EVI5: variants seen among roughly 807,000 people sequenced by gnomAD.
The protein encoded by EVI5 is ecotropic viral integration site 5 protein homolog.
Under a neutral mutation model 112.0 loss-of-function variants are expected in EVI5, and 73 were observed. The observed-to-expected ratio is 0.65, with a 90% CI of 0.54 to 0.79. The LOEUF (loss-of-function observed/expected upper bound fraction) is 0.79, where lower values mean the gene tolerates loss of function less well. Ranked by LOEUF, EVI5 falls within the 30% of genes least tolerant of loss-of-function variation. The pLI, the probability that EVI5 is intolerant of heterozygous loss-of-function variation, is 0.00. For synonymous variants in EVI5, 305 were observed against 319.9 expected (o/e 0.95, Z 0.50); for missense variants, 900 against 968.8 (o/e 0.93, Z 0.94).
chr1:92,679,463 C>T (rs1433903480), intron 9 of EVI5, among the ~76,000 whole-genome samples: 1 of 152,110 alleles, frequency 6.6e-6, no homozygotes, highest in Non-Finnish European at 1.5e-5. Flanking sequence ...GTAAAAATAT[C>T]ACTCATTTAT....
intron 9 of EVI5, among the ~76,000 whole-genome samples, chr1:92,678,251 C>G (rs941129647): frequency 2.6e-5 from 4 of 152,194 alleles, no homozygotes; most frequent in Non-Finnish European, 5.9e-5. Flanking sequence ...AAACATGACA[C>G]TGACCACGGT....
intron 10 of EVI5, among the ~76,000 whole-genome samples, chr1:92,667,416 C>T (rs1355279284): frequency 6.6e-6 from 1 of 152,182 alleles, no homozygotes; most frequent in African/African-American, 2.4e-5. Context: ...ACTCCAATTA[C>T]TAGTATCTCC....
At chr1:92,587,312 A>G (rs1234310888) in intron 18 of EVI5, among the ~76,000 whole-genome samples, 1 of 151,940 alleles carries the variant, frequency 6.6e-6, no homozygotes. Flanking sequence ...GAAATGCCTT[A>G]AAGAAAAATG....
intron 9 of EVI5, among the ~76,000 whole-genome samples, chr1:92,679,988 T>C (rs1471953935): frequency 2.6e-5 from 4 of 152,230 alleles, no homozygotes; most frequent in Non-Finnish European, 5.9e-5. Context: ...TGTAAAGTTA[T>C]TTGTTCCCCC....
intron 1 of EVI5, among the ~76,000 whole-genome samples, chr1:92,739,957 CA>C (rs1480532691): frequency 2.2e-5 from 3 of 136,930 alleles, no homozygotes; most frequent in African/African-American, 8.0e-5. Context: ...CTTTAAATGT[CA>C]AAAGTCAAGT....
Position 92,791,152 on chromosome 1 carries a change from A to G in EVI5, c.51+1192T>C, listed in dbSNP as rs1047502162. On this transcript the variant is annotated intron_variant, in intron 1 of 17. Coordinates refer to the EVI5 transcript ENST00000370331. ...GCCAGTTTCTAGCCTACCCACCAAA[A>G]GGAGAAATTCATTCATTTCTTGACT... 2.8e-4 allele frequency among the ~76,000 whole-genome samples: 42 copies of G among 152,352 alleles called. 1 individual carries two copies. Among genetic ancestry groups the G allele is most frequent in the African/African-American group, 9.9e-4 (41 of 41,586 alleles).
intron 16 of EVI5, among the ~76,000 whole-genome samples, chr1:92,616,661 G>C (rs537716031): frequency 6.6e-6 from 1 of 152,270 alleles, no homozygotes; most frequent in African/African-American, 2.4e-5. Flanking sequence ...TCACAGCAGA[G>C]ACCTCTAGGA....
At chr1:92,633,609 G>A (rs878990768) in intron 14 of EVI5, among the ~76,000 whole-genome samples, 11 of 152,124 alleles carry the variant, frequency 7.2e-5, no homozygotes, top group African/African-American at 1.2e-4. Flanking sequence ...ACACTGATGG[G>A]TCTTGACTCT....
intron 18 of EVI5, among the ~76,000 whole-genome samples, chr1:92,590,892 C>T (rs1337777803): frequency 1.3e-5 from 2 of 152,136 alleles, no homozygotes; most frequent in South Asian, 2.1e-4. Flanking sequence ...AAAGGGAAGC[C>T]CATTAGACTA....
At chr1:92,704,490 T>C (rs1570466639) in intron 3 of EVI5, 65 bp downstream of exon 3, 1 of 1,032,296 alleles carries the variant, frequency 9.7e-7, no homozygotes, top group South Asian at 2.1e-5. Flanking sequence ...TTCCCAATCC[T>C]CTATTAAGTT....
intron 19 of EVI5, among the ~76,000 whole-genome samples, chr1:92,532,650 T>C (rs1663073401): frequency 6.6e-6 from 1 of 152,158 alleles, no homozygotes; most frequent in African/African-American, 2.4e-5. Flanking sequence ...ACTGCACAAC[T>C]ACATGGAAAC....
Position 92,513,852 on chromosome 1 carries a change from A to G in EVI5, c.2285T>C (p.Ile762Thr). ...ACCAGTTTCCTGTAAGGAATTATCT[A>G]TAAAATCTTCATCGGAGGAATGGAA... ...ESFHSSDEDF[I>T]DNSLQETGVG... The change falls in exon 20 of 20, where the codon ATA becomes ACA. Residue 762 changes from isoleucine to threonine, a missense_variant. Coordinates refer to ENST00000684568, the MANE Select transcript of EVI5 (RefSeq NM_001350197.2). 1 of 1,613,846 alleles carries G rather than the reference A, an allele frequency of 6.2e-7. No homozygotes were observed.
At chr1:92,670,607 T>C (rs1665708638) in intron 10 of EVI5, among the ~76,000 whole-genome samples, 1 of 152,162 alleles carries the variant, frequency 6.6e-6, no homozygotes, top group Non-Finnish European at 1.5e-5. Context: ...AACAAAACCA[T>C]GACGTTTATT....
chr1:92,792,372 G>C (rs200698902), exon 1 of EVI5: 1 of 1,610,762 alleles, frequency 6.2e-7, no homozygotes, highest in South Asian at 1.1e-5. Context: ...TCTAAAGGCA[G>C]CAGTCATTTT....
At chr1:92,616,278 G>T (rs890126409) in intron 16 of EVI5, among the ~76,000 whole-genome samples, 1 of 152,132 alleles carries the variant, frequency 6.6e-6, no homozygotes. Flanking sequence ...CTGCATCTTT[G>T]AAGAGGCCTG....
chr1:92,696,753 T>G (rs182683268), intron 6 of EVI5, among the ~76,000 whole-genome samples: 62 of 152,184 alleles, frequency 4.1e-4, no homozygotes, highest in African/African-American at 1.5e-3. Flanking sequence ...ATTAAAAAAT[T>G]AGCCAGGCAC....
intron 14 of EVI5, among the ~76,000 whole-genome samples, chr1:92,634,506 T>G (rs1422557936): frequency 6.6e-6 from 1 of 152,214 alleles, no homozygotes; most frequent in Non-Finnish European, 1.5e-5. Context: ...CACGTAGTTC[T>G]CGTGCCGTGG....
At chr1:92,524,503 T>C (rs1661513717) in intron 19 of EVI5, among the ~76,000 whole-genome samples, 1 of 152,228 alleles carries the variant, frequency 6.6e-6, no homozygotes, top group Admixed American at 6.5e-5. Flanking sequence ...ACCTTTAAGA[T>C]ATGACCTATT....
At chr1:92,585,396 GTAGAACTGCTTGA>G (rs1199475491) in intron 18 of EVI5, among the ~76,000 whole-genome samples, 80 of 152,172 alleles carry the variant, frequency 5.3e-4, no homozygotes, top group African/African-American at 1.7e-3. Context: ...GGAGGCTTAG[GTAGAACTGCTTGA>G]TCCCAGGAGT....
Sources: allele counts gnomAD v4.1 joint callset (sites outside exome capture counted in the v4.1 genomes callset), GRCh38; gene constraint gnomAD v4.1.1; transcripts MANE v1.5; gene names NCBI Gene and HGNC (gene_info 2026-07-23, HGNC 2026-07-21).